Variants in INPP5A observed in about 807,000 individuals in gnomAD.
INPP5A encodes 43 kDa inositol polyphosphate 5-phophatase.
INPP5A carries 14 observed loss-of-function variants against 65.2 expected under a neutral mutation model. That is an observed-to-expected ratio of 0.21 (90% CI 0.14 to 0.34). The LOEUF is 0.34. Among genes scored for constraint, INPP5A ranks in the 10% least tolerant of loss-of-function variants. The pLI is 1.00. For synonymous variants in INPP5A, 207 were observed against 208.3 expected, an observed-to-expected ratio of 0.99 and a Z score of 0.05; for missense variants, 431 against 545.6, an observed-to-expected ratio of 0.79 and a Z score of 2.09.
At chr10:132,563,739 C>T (rs1262756514) in intron 1 of INPP5A, among the ~76,000 whole-genome samples, 3 of 152,232 alleles carry the variant, frequency 2.0e-5, no homozygotes, top group Non-Finnish European at 4.4e-5. Context: ...ACCATAAGTT[C>T]ACCCCGACAA....
chr10:132,558,551 A>G (rs1210679220), intron 1 of INPP5A, among the ~76,000 whole-genome samples: 1 of 152,194 alleles, frequency 6.6e-6, no homozygotes, highest in African/African-American at 2.4e-5. Context: ...CCTCATGTCC[A>G]GTCTCCTGTG....
chr10:132,696,822 G>A (rs562111583), intron 5 of INPP5A, among the ~76,000 whole-genome samples: 2 of 152,136 alleles, frequency 1.3e-5, no homozygotes, highest in East Asian at 3.9e-4. Context: ...ACAGCACCCA[G>A]GGCCGGGCCA....
At position 132,604,945 on chromosome 10, in the gene INPP5A, C is replaced by G. The variant is rs115085755; in HGVS notation, c.76-2970C>G. On this transcript the variant is annotated intron_variant, in intron 1 of 15. Coordinates refer to ENST00000368594, the MANE Select transcript of INPP5A (RefSeq NM_005539.5). ...GCGGAGGGCAGGGAGGCCACGGGCTCAGGGCCTGGTGGCTGTGCAGACCTG... is the reference window on the plus strand; with the variant it reads ...GCGGAGGGCAGGGAGGCCACGGGCTGAGGGCCTGGTGGCTGTGCAGACCTG... 4.2e-3 allele frequency among the ~76,000 whole-genome samples: 641 copies of G among 152,282 alleles called. 5 individuals carry two copies. Among genetic ancestry groups the G allele is most frequent in the African/African-American group, 0.015 (605 of 41,554 alleles).
intron 5 of INPP5A, among the ~76,000 whole-genome samples, chr10:132,695,291 C>G (rs1845327925): frequency 6.6e-6 from 1 of 152,110 alleles, no homozygotes. Context: ...CCAAAATCCA[C>G]ATCTCTTCAT....
rs1394336005 is a variant in INPP5A at position 132,674,441 on chromosome 10, C to G, written c.307-15951C>G. The stretch of plus-strand genomic sequence containing the variant: ...CTGTCATGCTACAGCTGTCCACTTT[C>G]GGGTGGTGCCTGCATACCGTGCAGA... On this transcript the variant is annotated intron_variant, in intron 4 of 15. Coordinates refer to ENST00000368594, the MANE Select transcript of INPP5A (RefSeq NM_005539.5). The surrounding 1 kb of genome is among the most constrained non-coding windows in gnomAD (Gnocchi z 4.4). Among the ~76,000 whole-genome samples the G allele has an allele frequency of 6.6e-6, 1 of 152,202 alleles. No individual in the cohort carries two copies. The highest frequency in any genetic ancestry group is 1.5e-5 in the Non-Finnish European group (1 of 68,036).
rs371074566 is a variant in INPP5A, at chr10:132,771,713, T to C, written c.977+5867T>C. Among the ~76,000 whole-genome samples the C allele has an allele frequency of 7.8e-3, 282 of 36,348 alleles. 1 individual carries two copies. Among genetic ancestry groups the C allele is most frequent in the Middle Eastern group, 0.02 (1 of 50 alleles). The allele number at this position is 36,348 out of a possible 152,430, so 23.8% of individuals were successfully genotyped here. On this transcript the variant is annotated intron_variant, in intron 12 of 15. Transcript: ENST00000368594. ...CACAGAGGCCACGGCAGCCACCCCA[T>C]GAAGAGTGGGACAGACACTCAGCAC...
chr10:132,592,450 C>G (rs905570636), intron 1 of INPP5A, among the ~76,000 whole-genome samples: 5 of 152,232 alleles, frequency 3.3e-5, no homozygotes, highest in African/African-American at 9.6e-5. Context: ...GAGTCTTGCT[C>G]TGTGGCCCAG....
At chr10:132,660,851 ATT>A (rs1341710236) in intron 4 of INPP5A, among the ~76,000 whole-genome samples, 2 of 152,216 alleles carry the variant, frequency 1.3e-5, no homozygotes, top group African/African-American at 4.8e-5. Flanking sequence ...TTAAATTCTT[ATT>A]GAAGTAAATG....
chr10:132,777,935 C>T (rs1413057355), intron 13 of INPP5A, 153 bp downstream of exon 13: 12 of 1,470,784 alleles, frequency 8.2e-6, no homozygotes, highest in Non-Finnish European at 1.1e-5. Flanking sequence ...CCATGAGCTG[C>T]ACCCCAGCAT....
intron 8 of INPP5A, among the ~76,000 whole-genome samples, chr10:132,717,568 G>A (rs1361791981): frequency 1.3e-5 from 2 of 150,978 alleles, no homozygotes; most frequent in African/African-American, 2.5e-5. Context: ...CTGTCTGAGG[G>A]CGCCTTAGAC....
intron 4 of INPP5A, among the ~76,000 whole-genome samples, chr10:132,682,032 G>C (rs2073053663): frequency 1.3e-5 from 2 of 152,340 alleles, no homozygotes; most frequent in South Asian, 2.1e-4. Flanking sequence ...GCCAGGGGCT[G>C]GGGAGAGCGG....
intron 12 of INPP5A, among the ~76,000 whole-genome samples, chr10:132,774,096 T>G (rs1311586934): frequency 6.6e-6 from 1 of 152,154 alleles, no homozygotes; most frequent in Non-Finnish European, 1.5e-5. Context: ...GCCGCTTCCT[T>G]CTCCCGCTCG....
chr10:132,719,084 G>T (rs1845806896), intron 8 of INPP5A, among the ~76,000 whole-genome samples: 1 of 149,000 alleles, frequency 6.7e-6, no homozygotes, highest in African/African-American at 2.5e-5. Context: ...GGGTTCTGTG[G>T]TACCTGGGTT....
intron 9 of INPP5A, among the ~76,000 whole-genome samples, chr10:132,735,616 A>G (rs766692397): frequency 6.6e-6 from 1 of 152,206 alleles, no homozygotes; most frequent in Non-Finnish European, 1.5e-5. Context: ...TGGTGGGGTC[A>G]TCCTCTTGCT....
At chr10:132,770,108 C>T (rs557319186) in intron 12 of INPP5A, among the ~76,000 whole-genome samples, 82 of 152,180 alleles carry the variant, frequency 5.4e-4, no homozygotes, top group Admixed American at 2.1e-3. Flanking sequence ...AACCAGAGTC[C>T]CACCTCTGCC....
At chr10:132,553,928 A>C (rs1416778419) in intron 1 of INPP5A, among the ~76,000 whole-genome samples, 19 of 144,316 alleles carry the variant, frequency 1.3e-4, no homozygotes, top group Middle Eastern at 7.6e-3. Context: ...GCCTTGGTGG[A>C]ATATTGGGTA....
At chr10:132,642,944 C>T (rs984165539) in intron 2 of INPP5A, among the ~76,000 whole-genome samples, 1 of 152,190 alleles carries the variant, frequency 6.6e-6, no homozygotes, top group African/African-American at 2.4e-5. Flanking sequence ...CGTAGCTGAG[C>T]TCACGTTCCG....
intron 9 of INPP5A, among the ~76,000 whole-genome samples, chr10:132,743,781 C>T (rs565605927): frequency 1.3e-5 from 2 of 152,358 alleles, no homozygotes; most frequent in Admixed American, 6.5e-5. Context: ...GTTACCCTCC[C>T]AGGAAACCTG....
chr10:132,760,224 G>T (rs1846707468), intron 11 of INPP5A, among the ~76,000 whole-genome samples: 1 of 152,258 alleles, frequency 6.6e-6, no homozygotes, highest in African/African-American at 2.4e-5. Flanking sequence ...GGCCTACGTG[G>T]TAAGGCACAG....
Sources: gnomAD v4.1 joint callset for allele counts (sites outside exome capture counted in the v4.1 genomes callset) on GRCh38, gnomAD v4.1.1 for gene constraint, Gnocchi (gnomAD v3.1) non-coding constraint, MANE v1.5 for transcripts, NCBI Gene and HGNC (gene_info 2026-07-23, HGNC 2026-07-21) for gene names.